ZNF566: variants seen among roughly 807,000 people sequenced by gnomAD.
The protein encoded by ZNF566 is zinc finger protein 566.
In ZNF566, 27 loss-of-function variants were observed where a neutral mutation model predicts 32.8. The observed-to-expected ratio is 0.82, with a 90% CI of 0.61 to 1.14. ZNF566 has a LOEUF of 1.14. Ranked by LOEUF, ZNF566 falls within the 50% of genes most tolerant of loss-of-function variation. The pLI is 0.00. For synonymous variants in ZNF566, 154 were observed against 159.5 expected (o/e 0.97, Z 0.26); for missense variants, 402 against 490.4 (o/e 0.82, Z 1.70).
chr19:36,450,388 G>A (rs2145633184), intron 4 of ZNF566, among the ~76,000 whole-genome samples: 1 of 152,288 alleles, frequency 6.6e-6, no homozygotes, highest in African/African-American at 2.4e-5. Context: ...GCTCACATCT[G>A]TAATCCCAGC....
rs567562869 is a variant in ZNF566, at chr19:36,467,819, A to G, written c.232+5092T>C. Reference sequence around the variant, plus strand: ...AAAAAAAAAAAAAAAAAAAAAAAAAAAAAAAGAAAAAAAGAAGGAAATGCA... The same window carrying G: ...AAAAAAAAAAAAAAAAAAAAAAAAAGAAAAAGAAAAAAAGAAGGAAATGCA... On this transcript the variant is annotated intron_variant, in intron 4 of 4. Coordinates refer to ENST00000452939, the MANE Select transcript of ZNF566 (RefSeq NM_001145344.1). Among the ~76,000 whole-genome samples the G allele has an allele frequency of 1.1e-3, 139 of 127,804 alleles. 3 individuals carry two copies. The East Asian group carries it at 0.017, about 16-fold the overall frequency. 83.8% of individuals were successfully genotyped at this position (127,804 alleles called of 152,430 possible).
At chr19:36,475,804 A>C (rs2033870101) in intron 2 of ZNF566, among the ~76,000 whole-genome samples, 1 of 152,150 alleles carries the variant, frequency 6.6e-6, no homozygotes. Context: ...GTGTAAAAAA[A>C]ATTATTCCAA....
chr19:36,464,839 A>C (rs1323753188), intron 4 of ZNF566, among the ~76,000 whole-genome samples: 1 of 152,196 alleles, frequency 6.6e-6, no homozygotes, highest in African/African-American at 2.4e-5. Context: ...AAAAAGTATA[A>C]AGCATACAGG....
chr19:36,467,025 C>T (rs1443954349), intron 4 of ZNF566, among the ~76,000 whole-genome samples: 6 of 149,418 alleles, frequency 4.0e-5, no homozygotes, highest in Non-Finnish European at 7.4e-5. Flanking sequence ...GCCGAGATGG[C>T]GCCGCTGCAC....
intron 2 of ZNF566, among the ~76,000 whole-genome samples, chr19:36,474,336 C>G (rs1180026241): frequency 6.6e-6 from 1 of 152,096 alleles, no homozygotes; most frequent in Non-Finnish European, 1.5e-5. Context: ...GCTGGAGATT[C>G]TGGATATAAA....
At position 36,448,183 on chromosome 19, in the gene ZNF566, T is replaced by A. The variant is rs1202450329; in HGVS notation, c.*794A>T. ...AAAGGGTACATTTGCCTTTTTGTAA[T>A]GTTTGCATCTTTTATAAGGAAAATA... is the stretch of plus-strand genomic sequence containing the variant. On this transcript the variant is annotated 3_prime_UTR_variant, in exon 5 of 5. Coordinates refer to ENST00000452939, the MANE Select transcript of ZNF566 (RefSeq NM_001145344.1). 6.6e-6 allele frequency: 1 copy of A among 152,196 alleles called. No individual in the cohort carries two copies. Among genetic ancestry groups the A allele is most frequent in the Non-Finnish European group, 1.5e-5 (1 of 68,014 alleles). 9.4% of individuals were successfully genotyped at this position (152,196 alleles called of 1,614,324 possible).
intron 2 of ZNF566, 89 bp downstream of exon 2, chr19:36,476,460 T>C (rs888304002): frequency 2.7e-6 from 3 of 1,113,064 alleles, no homozygotes; most frequent in Non-Finnish European, 3.9e-6. Context: ...TTTTCTAACA[T>C]CAAAAAGCAT....
chr19:36,459,819 C>A (rs1238556155), intron 4 of ZNF566, among the ~76,000 whole-genome samples: 1 of 135,262 alleles, frequency 7.4e-6, no homozygotes, highest in African/African-American at 2.7e-5. Flanking sequence ...CCACCTATTA[C>A]TTTTTTTTTT....
rs536564620 is a variant in ZNF566, at chr19:36,477,855, A to G, written c.-59-1239T>C. Among the ~76,000 whole-genome samples the G allele has an allele frequency of 2.6e-5, 4 of 152,238 alleles. No individual in the cohort carries two copies. The East Asian group carries it at 5.8e-4, about 22-fold the overall frequency. On this transcript the variant is annotated intron_variant, in intron 1 of 4. Coordinates refer to ENST00000452939, the MANE Select transcript of ZNF566 (RefSeq NM_001145344.1). The stretch of plus-strand genomic sequence containing the variant: ...TAAACATCTTCACTTTAAGATGTTT[A>G]AAGTGCCCAAAAGAATAAGTTATAC...
rs757109337 is a variant in ZNF566 at position 36,449,143 on chromosome 19, TC to T, written c.1090del (p.Glu364ArgfsTer84). On this transcript the variant is annotated frameshift_variant, in exon 5 of 5. Transcript: ENST00000452939. LOFTEE classifies it high-confidence loss of function. ...LTRHQRIHTG[E>X]KPYECKICGK... ...ACATATCTTACATTCATAGGGTTTC[TC>T]CCCAGTATGAATTCTCTGATGTCTA... The T allele has an allele frequency of 4.8e-5, 78 of 1,613,982 alleles. No individual in the cohort carries two copies. Among genetic ancestry groups the T allele is most frequent in the Non-Finnish European group, 5.8e-5 (69 of 1,180,012 alleles).
intron 1 of ZNF566, among the ~76,000 whole-genome samples, chr19:36,478,714 A>G (rs1319956214): frequency 6.6e-6 from 1 of 152,094 alleles, no homozygotes; most frequent in African/African-American, 2.4e-5. Context: ...AGAGACAGTT[A>G]CCATGGGTCT....
In ZNF566 at chr19:36,474,618, T is replaced by G. The variant is rs145287424; in HGVS notation, c.10-1160A>C. The stretch of plus-strand genomic sequence containing the variant: ...TCGAAAAATGGTAGTAAACCAATTT[T>G]CAAGAGTTGAGGGCAGTGGCCTCTT... On this transcript the variant is annotated intron_variant, in intron 2 of 4. Coordinates refer to ENST00000452939, the MANE Select transcript of ZNF566 (RefSeq NM_001145344.1). 1.3e-4 allele frequency among the ~76,000 whole-genome samples: 20 copies of G among 152,314 alleles called. No individual in the cohort carries two copies. In the East Asian group the frequency reaches 3.9e-3, roughly 29 times the overall value.
intron 4 of ZNF566, among the ~76,000 whole-genome samples, chr19:36,472,043 C>T (rs2033778365): frequency 6.6e-6 from 1 of 152,174 alleles, no homozygotes; most frequent in African/African-American, 2.4e-5. Flanking sequence ...TGCACCCAAT[C>T]ACGCATGTTC....
At chr19:36,461,897 A>G (rs1018397768) in intron 4 of ZNF566, among the ~76,000 whole-genome samples, 2 of 152,012 alleles carry the variant, frequency 1.3e-5, no homozygotes, top group Admixed American at 6.6e-5. Context: ...TTAGTTCTTA[A>G]AGTCTTTGAT....
chr19:36,480,587 C>T (rs575833085), intron 1 of ZNF566, among the ~76,000 whole-genome samples: 2 of 124,048 alleles, frequency 1.6e-5, no homozygotes, highest in African/African-American at 5.6e-5. Flanking sequence ...GCCCAGCCTC[C>T]ATGCAGTTTA....
chr19:36,469,177 T>C (rs939319834), intron 4 of ZNF566, among the ~76,000 whole-genome samples: 3 of 151,864 alleles, frequency 2.0e-5, no homozygotes, highest in African/African-American at 7.3e-5. Flanking sequence ...AGGGAGAAAG[T>C]ATCAGTATTT....
chr19:36,481,931 T>C (rs2034042654), intron 1 of ZNF566, among the ~76,000 whole-genome samples: 1 of 152,158 alleles, frequency 6.6e-6, no homozygotes, highest in South Asian at 2.1e-4. Context: ...ATCCAGAATG[T>C]ATCATTAAGA....
At chr19:36,470,549 T>C (rs2033735975) in intron 4 of ZNF566, among the ~76,000 whole-genome samples, 1 of 152,190 alleles carries the variant, frequency 6.6e-6, no homozygotes, top group Non-Finnish European at 1.5e-5. Context: ...TACAAAAACC[T>C]GCTAAACAGC....
chr19:36,461,771 C>G (rs1012544204), intron 4 of ZNF566, among the ~76,000 whole-genome samples: 1 of 152,174 alleles, frequency 6.6e-6, no homozygotes. Flanking sequence ...GTACAGGCTG[C>G]AAGTTCCAAC....
Sources: gnomAD v4.1 joint callset for allele counts (sites outside exome capture counted in the v4.1 genomes callset) on GRCh38, gnomAD v4.1.1 for gene constraint, MANE v1.5 for transcripts, NCBI Gene and HGNC (gene_info 2026-07-23, HGNC 2026-07-21) for gene names.